Variants in SCLT1 observed in about 807,000 individuals in gnomAD.
SCLT1 encodes sodium channel and clathrin linker 1.
SCLT1 carries 78 observed loss-of-function variants against 112.8 expected under a neutral mutation model. That is an observed-to-expected ratio of 0.69 (90% CI 0.58 to 0.83). The LOEUF is 0.83. Among genes scored for constraint, SCLT1 ranks in the 40% least tolerant of loss-of-function variants. The pLI is 0.00. For synonymous variants in SCLT1, 257 were observed against 254.7 expected (o/e 1.01, Z -0.09); for missense variants, 747 against 770.4 (o/e 0.97, Z 0.36).
intron 1 of SCLT1, among the ~76,000 whole-genome samples, chr4:129,092,770 T>C (rs1471869770): frequency 6.6e-6 from 1 of 152,224 alleles, no homozygotes; most frequent in African/African-American, 2.4e-5. Context: ...AGATTTTAAA[T>C]GCACACTTGG....
chr4:129,079,530 GA>G (rs1330624889), intron 2 of SCLT1, among the ~76,000 whole-genome samples: 4 of 152,156 alleles, frequency 2.6e-5, no homozygotes, highest in African/African-American at 9.6e-5. Flanking sequence ...AGGCAACACT[GA>G]TGCAAGGGGT....
chr4:128,950,595 A>G (rs1008140091), intron 14 of SCLT1, among the ~76,000 whole-genome samples: 1 of 152,164 alleles, frequency 6.6e-6, no homozygotes, highest in African/African-American at 2.4e-5. Context: ...AGTATTTCCA[A>G]AATAATACTC....
chr4:129,090,909 G>T (rs182355668), intron 1 of SCLT1, among the ~76,000 whole-genome samples: 25 of 152,330 alleles, frequency 1.6e-4, no homozygotes, highest in Non-Finnish European at 2.9e-4. Flanking sequence ...CAGAGGAAAT[G>T]TCATGTGGGG....
chr4:129,073,341 A>G (rs1751186963), intron 2 of SCLT1, among the ~76,000 whole-genome samples: 1 of 152,148 alleles, frequency 6.6e-6, no homozygotes, highest in African/African-American at 2.4e-5. Flanking sequence ...TTAACTTTCA[A>G]TTGTTCAGAA....
At chr4:128,915,303 T>C (rs318544) in intron 18 of SCLT1, among the ~76,000 whole-genome samples, 108,111 of 152,068 alleles carry the variant, frequency 0.71, 38,556 homozygotes, top group African/African-American at 0.77. Context: ...GAATAGGAGT[T>C]CAAAAAATTG....
chr4:128,957,640 G>C (rs531676839), intron 12 of SCLT1, among the ~76,000 whole-genome samples: 10 of 151,966 alleles, frequency 6.6e-5, no homozygotes, highest in Non-Finnish European at 1.3e-4. Context: ...TAGCTCTGCT[G>C]TCAGTCACAG....
chr4:129,018,667 G>A (rs539852770), intron 5 of SCLT1, among the ~76,000 whole-genome samples: 61 of 152,066 alleles, frequency 4.0e-4, no homozygotes, highest in African/African-American at 1.3e-3. Context: ...TAATAGACTC[G>A]CTCAAAGTAA....
chr4:128,983,604 C>T (rs1214357985), intron 9 of SCLT1, among the ~76,000 whole-genome samples: 1 of 152,154 alleles, frequency 6.6e-6, no homozygotes, highest in Non-Finnish European at 1.5e-5. Context: ...AGCAATATGA[C>T]TATTTTTCTG....
chr4:128,937,519 G>A (rs73850041), intron 17 of SCLT1, among the ~76,000 whole-genome samples: 1,674 of 152,204 alleles, frequency 0.011, 22 homozygotes, highest in African/African-American at 0.037. Flanking sequence ...TGTTGATGCT[G>A]TTGGTATCTG....
chr4:128,892,198 A>C (rs1733382873), intron 18 of SCLT1, among the ~76,000 whole-genome samples: 1 of 152,208 alleles, frequency 6.6e-6, no homozygotes, highest in South Asian at 2.1e-4. Context: ...TTTTAGCCAA[A>C]TGTCACTTCA....
At chr4:128,954,892 G>A (rs1219120224) in intron 13 of SCLT1, among the ~76,000 whole-genome samples, 2 of 152,102 alleles carry the variant, frequency 1.3e-5, no homozygotes, top group African/African-American at 4.8e-5. Context: ...GTTCTTATAA[G>A]CCTGTCATGT....
chr4:128,947,837 T>C (rs570384972), intron 15 of SCLT1, among the ~76,000 whole-genome samples: 3 of 152,168 alleles, frequency 2.0e-5, no homozygotes, highest in Non-Finnish European at 4.4e-5. Flanking sequence ...ATCATAGCAA[T>C]GCTATAATTT....
At chr4:128,919,514 C>T (rs1735721006) in intron 18 of SCLT1, among the ~76,000 whole-genome samples, 1 of 151,780 alleles carries the variant, frequency 6.6e-6, no homozygotes, top group Non-Finnish European at 1.5e-5. Context: ...AGGAACAAGG[C>T]AAACCAACCC....
At chr4:129,011,857 G>A (rs1007463783) in intron 5 of SCLT1, among the ~76,000 whole-genome samples, 2 of 152,078 alleles carry the variant, frequency 1.3e-5, no homozygotes, top group African/African-American at 2.4e-5. Flanking sequence ...ATGGTTGTTT[G>A]TATTTCTGTG....
In SCLT1 at chr4:128,965,303, A is replaced by G. The variant is rs781533613; in HGVS notation, c.793T>C (p.Ser265Pro). 1.0e-5 allele frequency: 16 copies of G among 1,606,668 alleles called. No individual in the cohort carries two copies. Among genetic ancestry groups the G allele is most frequent in the Non-Finnish European group, 1.4e-5 (16 of 1,173,550 alleles). ...GATGCTTCCTCTCTTCCATGGGCAG[A>G]CACCACATCCTTCTCCTAGAAAATA... is the stretch of plus-strand genomic sequence containing the variant. ...QMKKKEKDVV[S>P]AHGREEASDR... is the part of the protein sequence containing the mutation. The change falls in exon 11 of 21, where the codon TCT (serine) becomes CCT (proline). Residue 265 changes from serine (S) to proline (P), a missense_variant. Physicochemically the swap from Ser to Pro is moderately conservative, Grantham distance 74 (BLOSUM62 -1). This residue lies in a region of SCLT1 where 723 missense variants were observed against 721.3 expected (regional missense o/e 1.00). Transcript: ENST00000281142.
intron 9 of SCLT1, among the ~76,000 whole-genome samples, chr4:128,973,656 T>C (rs191453063): frequency 3.9e-5 from 6 of 152,210 alleles, no homozygotes; most frequent in Admixed American, 3.9e-4. Flanking sequence ...ATTCCAAATA[T>C]ATATTATCTC....
chr4:129,008,082 A>G (rs1560957270), intron 5 of SCLT1, among the ~76,000 whole-genome samples: 3 of 152,148 alleles, frequency 2.0e-5, no homozygotes, highest in Non-Finnish European at 4.4e-5. Flanking sequence ...AAGTCTCCTC[A>G]AACATTTTAA....
chr4:128,899,209 G>T (rs1455499832), intron 18 of SCLT1, among the ~76,000 whole-genome samples: 2 of 152,148 alleles, frequency 1.3e-5, no homozygotes, highest in Non-Finnish European at 2.9e-5. Flanking sequence ...AAGCCTGGCA[G>T]AGACACAACA....
In SCLT1 at chr4:128,959,615, G is replaced by A. The variant is rs34546934; in HGVS notation, c.1032C>T (p.Asn344=). ...RNSMQLLEEA[N]LQKSQALLEE... Reference sequence around the variant, plus strand: ...GCTTTCTTACCTGACTTTTTTGAAGGTTAGCTTCTTCTAAGAGTTGCATGC... The same window carrying A: ...GCTTTCTTACCTGACTTTTTTGAAGATTAGCTTCTTCTAAGAGTTGCATGC... The change falls in exon 12 of 21, where the codon AAC becomes AAT. Residue 344 remains asparagine, a synonymous_variant. Transcript: ENST00000281142. 6,931 of 1,612,494 alleles carry A rather than the reference G, an allele frequency of 4.3e-3. 182 individuals carry two copies. The African/African-American group carries it at 0.064, about 15-fold the overall frequency.
Sources: gnomAD v4.1 joint callset for allele counts (sites outside exome capture counted in the v4.1 genomes callset) on GRCh38, gnomAD v4.1.1 for gene constraint, gnomAD v4.1.1 regional missense constraint, MANE v1.5 for transcripts, NCBI Gene and HGNC (gene_info 2026-07-23, HGNC 2026-07-21) for gene names.